The following CCSER1 variants were observed in gnomAD, a reference collection of about 807,000 sequenced individuals.
CCSER1 encodes the protein coiled-coil serine rich protein 1, also known as serine-rich coiled-coil domain-containing protein 1.
CCSER1 carries 41 observed loss-of-function variants against 82.0 expected under a neutral mutation model. That is an observed-to-expected ratio of 0.50 (90% CI 0.39 to 0.65). CCSER1 has a LOEUF of 0.65. Ranked by LOEUF, CCSER1 falls within the 30% of genes least tolerant of loss-of-function variation. The pLI, the probability that CCSER1 is intolerant of heterozygous loss-of-function variation, is 0.00. For synonymous variants in CCSER1, 414 were observed against 383.9 expected (o/e 1.08, Z -0.92); for missense variants, 1,119 against 1,064.2 (o/e 1.05, Z -0.72).
At chr4:91,062,327 G>C (rs936012886) in intron 9 of CCSER1, among the ~76,000 whole-genome samples, 1 of 152,026 alleles carries the variant, frequency 6.6e-6, no homozygotes, top group Non-Finnish European at 1.5e-5. Context: ...CCTGCAGCGT[G>C]TATCATTCAT....
At chr4:90,224,312 T>C (rs973739904) in intron 1 of CCSER1, among the ~76,000 whole-genome samples, 1 of 152,202 alleles carries the variant, frequency 6.6e-6, no homozygotes, top group Non-Finnish European at 1.5e-5. Flanking sequence ...TATCATTGCT[T>C]TGTGGGGTGT....
chr4:90,781,666 C>A, intron 7 of CCSER1: 1 of 972,480 alleles, frequency 1.0e-6, no homozygotes, highest in Non-Finnish European at 1.2e-6. Flanking sequence ...ATGTATTAAG[C>A]AATCCTGGCT....
intron 1 of CCSER1, among the ~76,000 whole-genome samples, chr4:90,232,457 T>A (rs1216172180): frequency 6.6e-6 from 1 of 152,126 alleles, no homozygotes; most frequent in Non-Finnish European, 1.5e-5. Context: ...CCTTACACCT[T>A]ATACAGAAAT....
At chr4:91,512,783 A>G (rs1759896080) in intron 10 of CCSER1, among the ~76,000 whole-genome samples, 3 of 152,054 alleles carry the variant, frequency 2.0e-5, no homozygotes, top group South Asian at 2.1e-4. Context: ...TGATGTATAG[A>G]TATACTACCT....
intron 10 of CCSER1, among the ~76,000 whole-genome samples, chr4:91,292,677 GTAT>G (rs545332573): frequency 1.4e-4 from 21 of 152,146 alleles, no homozygotes; most frequent in African/African-American, 4.8e-4. Flanking sequence ...AATTGTAGCT[GTAT>G]TAGGCCTCAA....
intron 10 of CCSER1, among the ~76,000 whole-genome samples, chr4:91,327,926 A>G (rs1033871427): frequency 6.6e-6 from 1 of 152,184 alleles, no homozygotes; most frequent in Non-Finnish European, 1.5e-5. Flanking sequence ...CATAACAAGA[A>G]TGACCTTTAC....
chr4:90,165,473 A>G (rs1225191225), intron 1 of CCSER1, among the ~76,000 whole-genome samples: 1 of 152,032 alleles, frequency 6.6e-6, no homozygotes, highest in Non-Finnish European at 1.5e-5. Flanking sequence ...GAATTAAACC[A>G]TCTTGGAAAG....
chr4:91,071,886 G>A (rs1721476178), intron 9 of CCSER1, among the ~76,000 whole-genome samples: 1 of 152,088 alleles, frequency 6.6e-6, no homozygotes, highest in Admixed American at 6.6e-5. Context: ...AATATTTAGA[G>A]TTACTTGTTT....
chr4:91,047,602 C>T (rs192448303), intron 9 of CCSER1, among the ~76,000 whole-genome samples: 2 of 152,276 alleles, frequency 1.3e-5, no homozygotes, highest in Admixed American at 1.3e-4. Context: ...GATTCTACTG[C>T]TGCTCCTTTA....
intron 7 of CCSER1, among the ~76,000 whole-genome samples, chr4:90,783,527 C>T (rs1019557734): frequency 1.3e-5 from 2 of 152,172 alleles, no homozygotes; most frequent in Non-Finnish European, 2.9e-5. Flanking sequence ...ATGACTCTCA[C>T]CTCTAGGGAT....
At chr4:90,895,018 T>C (rs910366263) in intron 8 of CCSER1, among the ~76,000 whole-genome samples, 3 of 152,014 alleles carry the variant, frequency 2.0e-5, no homozygotes, top group African/African-American at 4.8e-5. Flanking sequence ...CTTCTTAATG[T>C]ATACTTTGTC....
intron 10 of CCSER1, among the ~76,000 whole-genome samples, chr4:91,235,496 G>C (rs577686277): frequency 1.3e-5 from 2 of 152,160 alleles, no homozygotes; most frequent in Non-Finnish European, 2.9e-5. Flanking sequence ...TAAAATTGTG[G>C]ACAAAGTAAA....
intron 2 of CCSER1, among the ~76,000 whole-genome samples, chr4:90,311,886 G>A (rs1279809730): frequency 6.6e-6 from 1 of 151,994 alleles, no homozygotes; most frequent in African/African-American, 2.4e-5. Flanking sequence ...ACTATGTTAG[G>A]CACTAGGGAT....
intron 7 of CCSER1, among the ~76,000 whole-genome samples, chr4:90,773,346 C>T (rs753205927): frequency 6.6e-6 from 1 of 152,124 alleles, no homozygotes; most frequent in Non-Finnish European, 1.5e-5. Context: ...TGATTGGCAG[C>T]CTTGAAAGAT....
chr4:90,671,242 T>C (rs978613159), intron 6 of CCSER1, among the ~76,000 whole-genome samples: 1 of 152,160 alleles, frequency 6.6e-6, no homozygotes, highest in Non-Finnish European at 1.5e-5. Context: ...GCCACATTAA[T>C]TGACTCTTCC....
chr4:90,225,250 T>A, intron 1 of CCSER1, among the ~76,000 whole-genome samples: 1 of 86,352 alleles, frequency 1.2e-5, no homozygotes, highest in African/African-American at 5.5e-5. Flanking sequence ...TTTTTTTTTT[T>A]TTTTTTGTAG....
At chr4:90,932,828 C>CA (rs70965459) in intron 9 of CCSER1, among the ~76,000 whole-genome samples, 5,762 of 25,136 alleles carry the variant, frequency 0.23, 1,266 homozygotes, top group Admixed American at 0.3. Flanking sequence ...ACTCCGTCTC[C>CA]AAAAAAAAAA....
At chr4:91,371,115 G>A (rs1257881148) in intron 10 of CCSER1, among the ~76,000 whole-genome samples, 1 of 151,978 alleles carries the variant, frequency 6.6e-6, no homozygotes, top group Non-Finnish European at 1.5e-5. Context: ...CACCTGCCTT[G>A]GCCTCCCAAA....
At chr4:90,926,485 A>T (rs2150263866) in intron 9 of CCSER1, among the ~76,000 whole-genome samples, 1 of 152,192 alleles carries the variant, frequency 6.6e-6, no homozygotes, top group South Asian at 2.1e-4. Context: ...TTAAGATAAG[A>T]AATAGAATTC....
Sources: gnomAD v4.1 joint callset for allele counts (sites outside exome capture counted in the v4.1 genomes callset) on GRCh38, gnomAD v4.1.1 for gene constraint, MANE v1.5 for transcripts, NCBI Gene and HGNC (gene_info 2026-07-23, HGNC 2026-07-21) for gene names.